SMYD3: variants seen among roughly 807,000 people sequenced by gnomAD.
The protein encoded by SMYD3 is SET and MYND domain containing 3.
A neutral mutation model predicts 57.7 loss-of-function variants in SMYD3; 36 were observed. That is an observed-to-expected ratio of 0.62 (90% CI 0.48 to 0.82). The LOEUF (loss-of-function observed/expected upper bound fraction) is 0.82. Ranked by LOEUF, SMYD3 falls within the 40% of genes least tolerant of loss-of-function variation. SMYD3 has a pLI of 0.00. For missense variants in SMYD3, 515 were observed against 538.8 expected, an observed-to-expected ratio of 0.96 and a Z score of 0.44; for synonymous variants, 211 against 195.0, an observed-to-expected ratio of 1.08 and a Z score of -0.68.
At chr1:246,078,754 G>A (rs1278936185) in intron 5 of SMYD3, among the ~76,000 whole-genome samples, 2 of 152,166 alleles carry the variant, frequency 1.3e-5, no homozygotes, top group Admixed American at 1.3e-4. Context: ...CTAGCTAAAA[G>A]AGAACAGGAA....
At chr1:245,822,587 C>CTA (rs1471845024) in intron 10 of SMYD3, among the ~76,000 whole-genome samples, 2 of 151,412 alleles carry the variant, frequency 1.3e-5, no homozygotes, top group Admixed American at 6.6e-5. Flanking sequence ...CAGCATGCCT[C>CTA]TAGTTGCTGC....
chr1:245,792,102 A>G (rs75897373), intron 10 of SMYD3, among the ~76,000 whole-genome samples: 1 of 152,094 alleles, frequency 6.6e-6, no homozygotes, highest in Non-Finnish European at 1.5e-5. Flanking sequence ...AGGGTTTACA[A>G]CTGAGCCAAC....
At chr1:246,151,327 G>A (rs902797970) in intron 5 of SMYD3, among the ~76,000 whole-genome samples, 2 of 151,426 alleles carry the variant, frequency 1.3e-5, no homozygotes, top group Admixed American at 6.6e-5. Context: ...CCTTCTACAA[G>A]CAGGATAGAT....
rs1358447518 is a variant in SMYD3 at position 246,507,071 on chromosome 1, G to A, written c.147C>T (p.Cys49=). 6.6e-7 allele frequency: 1 copy of A among 1,507,196 alleles called. No individual in the cohort carries two copies. The highest frequency in any genetic ancestry group is 2.2e-5 in the Admixed American group (1 of 46,332). 93.4% of individuals were successfully genotyped at this position (1,507,196 alleles called of 1,614,324 possible). ...TTACGCACCCGAGAAGGCAGCGGTC[G>A]CAGACGACGCCACGACTCCCCTTGC... is the stretch of plus-strand genomic sequence containing the variant. ...TVCKGSRGVV[C]DRCLLGKEKL... Residue 49 remains cysteine, a synonymous_variant, in exon 1 of 12, where the codon TGC becomes TGT. Transcript: ENST00000490107.
rs1328771033 is a variant in SMYD3, at chr1:245,977,048, CGGCCCAGGGAAAGCCATCGTCTCT to C, written c.532-47135_532-47112del. Among the ~76,000 whole-genome samples, 31 of 9,928 alleles carry C rather than the reference CGGCCCAGGGAAAGCCATCGTCTCT, an allele frequency of 3.1e-3. 1 individual carries two copies. The highest frequency in any genetic ancestry group is 0.013 in the South Asian group (3 of 236). 6.5% of individuals were successfully genotyped at this position (9,928 alleles called of 152,430 possible). The stretch of plus-strand genomic sequence containing the variant: ...CTAGCCCAGGGAAAGCCATCGTCTC[CGGCCCAGGGAAAGCCATCGTCTCT>C]AGCCTATGTTATTGTGACACTCTTA... On this transcript the variant is annotated intron_variant, in intron 5 of 11. Transcript: ENST00000490107.
At chr1:246,325,317 G>T (rs1208433077) in intron 5 of SMYD3, among the ~76,000 whole-genome samples, 4 of 149,600 alleles carry the variant, frequency 2.7e-5, no homozygotes, top group Admixed American at 6.7e-5. Flanking sequence ...GGGAAGGAGG[G>T]GAGTGATTTA....
At chr1:246,306,361 C>T (rs2064978685) in intron 5 of SMYD3, among the ~76,000 whole-genome samples, 2 of 151,714 alleles carry the variant, frequency 1.3e-5, no homozygotes, top group Admixed American at 1.3e-4. Flanking sequence ...AAAAATTCAG[C>T]GGGGTGTATC....
rs1558496916 is a variant in SMYD3, at chr1:245,921,568, TATAC to T, written c.703-5932_703-5929del. ...TGTGGTGTATATATATATATATATA[TATAC>T]ACATACCATGGAATAGTATGCAGCC... On this transcript the variant is annotated intron_variant, in intron 7 of 11. Coordinates refer to ENST00000490107, the MANE Select transcript of SMYD3 (RefSeq NM_001167740.2). Among the ~76,000 whole-genome samples, 118 of 120,124 alleles carry T rather than the reference TATAC, an allele frequency of 9.8e-4. 4 individuals are homozygous for T. The highest frequency in any genetic ancestry group is 7.9e-3 in the South Asian group (29 of 3,694). The allele number at this position is 120,124 out of a possible 152,430, so 78.8% of individuals were successfully genotyped here.
intron 5 of SMYD3, among the ~76,000 whole-genome samples, chr1:246,125,071 CAA>C (rs35080862): frequency 0.018 from 2,145 of 121,666 alleles, 63 homozygotes; most frequent in African/African-American, 0.06. Context: ...GACTCCGTCT[CAA>C]AAAAAAAAAA....
intron 1 of SMYD3, among the ~76,000 whole-genome samples, chr1:246,462,042 G>A (rs1411846667): frequency 6.6e-6 from 1 of 152,186 alleles, no homozygotes; most frequent in Non-Finnish European, 1.5e-5. Flanking sequence ...GGGCAAGGAA[G>A]GCTTCCACAA....
At chr1:246,366,875 G>A (rs1266487454) in intron 1 of SMYD3, among the ~76,000 whole-genome samples, 12 of 142,840 alleles carry the variant, frequency 8.4e-5, no homozygotes, top group Non-Finnish European at 4.5e-5. Context: ...AGGTTGCAGT[G>A]AGCCAAGATC....
At chr1:245,837,046 CAGA>C (rs1230112674) in intron 10 of SMYD3, among the ~76,000 whole-genome samples, 1 of 152,062 alleles carries the variant, frequency 6.6e-6, no homozygotes, top group Non-Finnish European at 1.5e-5. Context: ...ACTGACCAAT[CAGA>C]AGAGATGCCA....
intron 5 of SMYD3, among the ~76,000 whole-genome samples, chr1:246,036,132 T>C (rs977160926): frequency 1.3e-5 from 2 of 152,174 alleles, no homozygotes; most frequent in Admixed American, 6.5e-5. Flanking sequence ...AAGGTTAAAA[T>C]TGGGTTGAAG....
intron 5 of SMYD3, among the ~76,000 whole-genome samples, chr1:246,171,765 C>T (rs896238617): frequency 6.6e-6 from 1 of 152,202 alleles, no homozygotes; most frequent in Non-Finnish European, 1.5e-5. Flanking sequence ...GATTCCAATG[C>T]TTTGGGAGGC....
intron 1 of SMYD3, among the ~76,000 whole-genome samples, chr1:246,485,616 A>AC (rs2068175844): frequency 7.2e-6 from 1 of 138,872 alleles, no homozygotes; most frequent in Admixed American, 7.1e-5. Flanking sequence ...ACCCCCCCCC[A>AC]CATCTCTACA....
At chr1:246,070,900 T>C (rs1442459139) in intron 5 of SMYD3, among the ~76,000 whole-genome samples, 1 of 152,202 alleles carries the variant, frequency 6.6e-6, no homozygotes, top group Non-Finnish European at 1.5e-5. Flanking sequence ...TATCTCTTAG[T>C]GGGGACAAAT....
intron 5 of SMYD3, among the ~76,000 whole-genome samples, chr1:246,212,877 G>A (rs2063111351): frequency 6.6e-6 from 1 of 152,098 alleles, no homozygotes. Context: ...ATGTAGACAG[G>A]ACGTTCTTGG....
intron 9 of SMYD3, among the ~76,000 whole-genome samples, chr1:245,859,588 C>A (rs866920892): frequency 6.6e-6 from 1 of 152,146 alleles, no homozygotes; most frequent in African/African-American, 2.4e-5. Flanking sequence ...GGAAACACAG[C>A]GAAGGCCAGA....
At chr1:246,498,049 A>T (rs2068392201) in intron 1 of SMYD3, among the ~76,000 whole-genome samples, 1 of 152,218 alleles carries the variant, frequency 6.6e-6, no homozygotes, top group African/African-American at 2.4e-5. Flanking sequence ...CCATAAGCTT[A>T]GCAAAAATTC....
Sources: gnomAD v4.1 joint callset for allele counts (sites outside exome capture counted in the v4.1 genomes callset) on GRCh38, gnomAD v4.1.1 for gene constraint, MANE v1.5 for transcripts, NCBI Gene and HGNC (gene_info 2026-07-23, HGNC 2026-07-21) for gene names.